The following ZNF438 variants were observed in gnomAD, a reference collection of about 807,000 sequenced individuals.
The protein encoded by ZNF438 is zinc finger protein 438.
Under a neutral mutation model 38.0 loss-of-function variants are expected in ZNF438, and 25 were observed. That is an observed-to-expected ratio of 0.66 (90% CI 0.48 to 0.92). ZNF438 has a LOEUF of 0.92. ZNF438 is among the 40% of genes least tolerant of loss of function. ZNF438 has a pLI of 0.00. For missense variants in ZNF438, 1,007 were observed against 999.6 expected (o/e 1.01, Z -0.10); for synonymous variants, 372 against 364.1 (o/e 1.02, Z -0.25).
At chr10:30,875,543 CTGAA>C in intron 4 of ZNF438, 1 of 985,462 alleles carries the variant, frequency 1.0e-6, no homozygotes. Context: ...AGCTAGGACA[CTGAA>C]TTTCAAACCC....
chr10:31,025,446 C>T (rs976909949), intron 1 of ZNF438, among the ~76,000 whole-genome samples: 1 of 152,188 alleles, frequency 6.6e-6, no homozygotes, highest in African/African-American at 2.4e-5. Flanking sequence ...AAAAATCATT[C>T]TGAGTTCAGA....
chr10:30,953,840 A>G (rs574153027), intron 1 of ZNF438, among the ~76,000 whole-genome samples: 3 of 152,322 alleles, frequency 2.0e-5, no homozygotes, highest in East Asian at 3.9e-4. Flanking sequence ...TGTTCCTCAC[A>G]TGAAATAGAA....
chr10:30,862,333 G>A (rs573868373), intron 4 of ZNF438, among the ~76,000 whole-genome samples: 6 of 152,066 alleles, frequency 3.9e-5, no homozygotes, highest in African/African-American at 9.6e-5. Flanking sequence ...ACAGGGACTC[G>A]CTCTATCACC....
At chr10:30,940,836 G>A (rs1019122182) in intron 2 of ZNF438, among the ~76,000 whole-genome samples, 1 of 152,020 alleles carries the variant, frequency 6.6e-6, no homozygotes, top group Non-Finnish European at 1.5e-5. Context: ...AACATTTAAG[G>A]TTCAAGTGCT....
chr10:30,924,807 C>T (rs1268367569), intron 2 of ZNF438, among the ~76,000 whole-genome samples: 1 of 152,060 alleles, frequency 6.6e-6, no homozygotes, highest in Non-Finnish European at 1.5e-5. Context: ...ATGTGGTATC[C>T]TGGGTTAGAT....
chr10:30,872,749 CA>C (rs10633045), intron 4 of ZNF438, among the ~76,000 whole-genome samples: 58 of 88,860 alleles, frequency 6.5e-4, no homozygotes, highest in East Asian at 1.6e-3. Context: ...GACTCTGTCT[CA>C]AAAAAAAAAA....
chr10:30,871,686 A>AT (rs1276323150), intron 4 of ZNF438, among the ~76,000 whole-genome samples: 2 of 152,228 alleles, frequency 1.3e-5, no homozygotes, highest in African/African-American at 2.4e-5. Flanking sequence ...CATAGAATAC[A>AT]TTTTTTAGAC....
chr10:30,866,819 G>A (rs565323978), intron 4 of ZNF438, among the ~76,000 whole-genome samples: 5 of 137,032 alleles, frequency 3.6e-5, no homozygotes, highest in Admixed American at 3.0e-4. Flanking sequence ...GAGCGACAGA[G>A]CGAGACTCTG....
chr10:30,969,718 T>A (rs945922922), intron 1 of ZNF438, among the ~76,000 whole-genome samples: 6 of 152,188 alleles, frequency 3.9e-5, no homozygotes, highest in Admixed American at 3.9e-4. Flanking sequence ...CTTAACATTT[T>A]TAACCCATGT....
At chr10:30,978,489 T>C (rs935768310) in intron 1 of ZNF438, among the ~76,000 whole-genome samples, 1 of 152,184 alleles carries the variant, frequency 6.6e-6, no homozygotes, top group African/African-American at 2.4e-5. Flanking sequence ...TAATAAAATA[T>C]ATAAATTTTA....
At chr10:30,918,208 C>A (rs2043870898) in intron 2 of ZNF438, among the ~76,000 whole-genome samples, 1 of 152,112 alleles carries the variant, frequency 6.6e-6, no homozygotes, top group Non-Finnish European at 1.5e-5. Flanking sequence ...AGTTATGGTA[C>A]AAATTCAAGT....
chr10:30,917,975 A>G (rs2043841646), intron 2 of ZNF438, among the ~76,000 whole-genome samples: 1 of 152,150 alleles, frequency 6.6e-6, no homozygotes, highest in African/African-American at 2.4e-5. Flanking sequence ...ATAGATTTAT[A>G]TGCATGATGC....
chr10:30,939,405 T>C (rs1015584308), intron 2 of ZNF438, among the ~76,000 whole-genome samples: 1 of 152,206 alleles, frequency 6.6e-6, no homozygotes, highest in African/African-American at 2.4e-5. Context: ...TTTCTCCCTA[T>C]AGATAGAAGT....
intron 1 of ZNF438, among the ~76,000 whole-genome samples, chr10:30,961,482 C>T (rs912340860): frequency 2.1e-5 from 3 of 145,970 alleles, no homozygotes; most frequent in African/African-American, 7.3e-5. Context: ...ATTTGTGAAA[C>T]TTCTACCAGC....
chr10:30,863,967 A>G (rs2036002638), intron 4 of ZNF438, among the ~76,000 whole-genome samples: 1 of 152,112 alleles, frequency 6.6e-6, no homozygotes, highest in Admixed American at 6.5e-5. Context: ...CTTGTCCCTA[A>G]GAGACTCTTG....
chr10:31,002,505 C>T (rs1029228327), intron 1 of ZNF438, among the ~76,000 whole-genome samples: 1 of 152,148 alleles, frequency 6.6e-6, no homozygotes, highest in African/African-American at 2.4e-5. Flanking sequence ...ATCAATCCTT[C>T]ACAAATCTGA....
chr10:30,878,247 C>T (rs909350424), intron 3 of ZNF438, among the ~76,000 whole-genome samples: 1 of 152,190 alleles, frequency 6.6e-6, no homozygotes, highest in Non-Finnish European at 1.5e-5. Flanking sequence ...CAAAACTACC[C>T]ATGGCTTGCC....
chr10:30,865,454 GA>G (rs61092455), intron 4 of ZNF438, among the ~76,000 whole-genome samples: 116,020 of 152,046 alleles, frequency 0.76, 44,882 homozygotes, highest in African/African-American at 0.85. Context: ...TAAAAATGAA[GA>G]AAAAAAATGA....
intron 1 of ZNF438, among the ~76,000 whole-genome samples, chr10:30,955,462 C>T (rs890794420): frequency 1.3e-5 from 2 of 152,194 alleles, no homozygotes; most frequent in African/African-American, 2.4e-5. Flanking sequence ...ACGCTGGCAG[C>T]GTCCACTTTC....
Sources: gnomAD v4.1 joint callset for allele counts (sites outside exome capture counted in the v4.1 genomes callset) on GRCh38, gnomAD v4.1.1 for gene constraint, MANE v1.5 for transcripts, NCBI Gene and HGNC (gene_info 2026-07-23, HGNC 2026-07-21) for gene names.